SF3A3: variants seen among roughly 807,000 people sequenced by gnomAD.
SF3A3 encodes splicing factor 3a subunit 3, also known as SAP 61.
Under a neutral mutation model 85.8 loss-of-function variants are expected in SF3A3, and 9 were observed. That is an observed-to-expected ratio of 0.10 (90% CI 0.06 to 0.18). The LOEUF is 0.18. SF3A3 is among the 10% of genes least tolerant of loss of function. The pLI is 1.00. For synonymous variants in SF3A3, 195 were observed against 204.4 expected (o/e 0.95, Z 0.39); for missense variants, 306 against 593.3 (o/e 0.52, Z 5.03).
At chr1:37,985,664 C>G (rs1040320071) in intron 4 of SF3A3, among the ~76,000 whole-genome samples, 3 of 152,110 alleles carry the variant, frequency 2.0e-5, no homozygotes, top group African/African-American at 7.2e-5. Context: ...GTTATTTAAG[C>G]ATTTATTCCT....
intron 16 of SF3A3, among the ~76,000 whole-genome samples, chr1:37,959,370 C>T (rs1464508947): frequency 6.6e-6 from 1 of 152,096 alleles, no homozygotes; most frequent in African/African-American, 2.4e-5. Flanking sequence ...TGAACTGCTG[C>T]ACCTGGCCCA....
At chr1:37,961,759 C>CAAAG (rs1646260170) in intron 15 of SF3A3, among the ~76,000 whole-genome samples, 1 of 37,808 alleles carries the variant, frequency 2.6e-5, no homozygotes, top group Non-Finnish European at 4.4e-5. Context: ...GCAAGACTGC[C>CAAAG]AAAAAAAAAA....
chr1:37,984,192 A>G lies in SF3A3; in HGVS notation c.445T>C (p.Tyr149His). 1.2e-6 allele frequency: 2 copies of G among 1,607,518 alleles called. No homozygotes were observed. The highest frequency in any genetic ancestry group is 1.1e-5 in the South Asian group (1 of 90,158). The change falls in exon 6 of 17, where the codon TAC becomes CAC. Residue 149 changes from tyrosine to histidine, a missense_variant. By Grantham distance (83) the Tyr-to-His change is moderately conservative (BLOSUM62 2). Transcript: ENST00000373019. ...YLDLHDCYLK[Y>H]INLKASEKLD... ...ACCTCAGATGCCTTCAGGTTAATGT[A>G]CTTGAGGTAACAGTCATGGAGATCG... is the stretch of plus-strand genomic sequence containing the variant.
chr1:37,989,446 G>T, intron 2 of SF3A3, 102 bp downstream of exon 2: 1 of 1,295,058 alleles, frequency 7.7e-7, no homozygotes, highest in Non-Finnish European at 1.1e-6. Context: ...GGCCAATCCG[G>T]TTACCTTTGG....
intron 2 of SF3A3, among the ~76,000 whole-genome samples, chr1:37,989,252 G>C (rs1646477272): frequency 6.6e-6 from 1 of 151,482 alleles, no homozygotes; most frequent in South Asian, 2.1e-4. Context: ...CCGAGACCGC[G>C]CCACTGCACT....
intron 12 of SF3A3, among the ~76,000 whole-genome samples, chr1:37,975,754 C>T (rs758055180): frequency 3.9e-5 from 6 of 152,216 alleles, no homozygotes; most frequent in African/African-American, 1.2e-4. Context: ...CCTCAAAGGC[C>T]GAATGAAAAT....
intron 12 of SF3A3, among the ~76,000 whole-genome samples, chr1:37,972,905 G>C (rs1646353175): frequency 6.6e-6 from 1 of 152,186 alleles, no homozygotes; most frequent in African/African-American, 2.4e-5. Context: ...TGTGGGCCGG[G>C]TGCGGTGGCT....
chr1:37,965,089 C>T lies in SF3A3; in HGVS notation c.1372+2955G>A, dbSNP rs191057487. On this transcript the variant is annotated intron_variant, in intron 15 of 16. Coordinates refer to ENST00000373019, the MANE Select transcript of SF3A3 (RefSeq NM_006802.4). The stretch of plus-strand genomic sequence containing the variant: ...ACAAGAATTGCTTGAACCCAGGAGG[C>T]GAAGGTTGCAGTGAGCCGAGATCAG... Among the ~76,000 whole-genome samples the T allele has an allele frequency of 3.4e-3, 511 of 151,412 alleles. 2 individuals are homozygous for T. The highest frequency in any genetic ancestry group is 0.012 in the African/African-American group (488 of 41,240).
chr1:37,960,089 T>C (rs1370888633), intron 16 of SF3A3, 31 bp downstream of exon 16: 2 of 1,595,436 alleles, frequency 1.3e-6, no homozygotes, highest in Non-Finnish European at 1.7e-6. Context: ...CACTTGACAC[T>C]ATCCCTAACA....
At chr1:37,988,747 A>G (rs56246564) in intron 2 of SF3A3, among the ~76,000 whole-genome samples, 3,709 of 152,216 alleles carry the variant, frequency 0.024, 186 homozygotes, top group East Asian at 0.23. Flanking sequence ...TTTAAATAGC[A>G]TCTTGTTTTT....
intron 12 of SF3A3, 52 bp from the exon 13 acceptor site, chr1:37,969,787 A>C: frequency 6.3e-7 from 1 of 1,586,486 alleles, no homozygotes; most frequent in Non-Finnish European, 8.6e-7. Context: ...CAGAATAAGA[A>C]GGGAAATTTC....
intron 9 of SF3A3, 146 bp from the exon 10 acceptor site, chr1:37,979,201 G>A: frequency 1.5e-6 from 1 of 678,070 alleles, no homozygotes; most frequent in South Asian, 1.8e-5. Context: ...ACTCTCCAGA[G>A]GACTGAATCT....
chr1:37,960,529 T>G (rs1646249461), intron 15 of SF3A3: 1 of 227,604 alleles, frequency 4.4e-6, no homozygotes, highest in Non-Finnish European at 8.6e-6. Context: ...TTCTAATAGT[T>G]CAATAACAAT....
intron 8 of SF3A3, 35 bp from the exon 9 acceptor site, chr1:37,979,568 G>C: frequency 6.4e-7 from 1 of 1,563,564 alleles, no homozygotes; most frequent in Middle Eastern, 1.7e-4. Context: ...TTAAGATCCA[G>C]GTTTAGGCCA....
intron 2 of SF3A3, among the ~76,000 whole-genome samples, 189 bp from the exon 3 acceptor site, chr1:37,988,025 T>G (rs975871502): frequency 6.6e-6 from 1 of 152,210 alleles, no homozygotes; most frequent in Non-Finnish European, 1.5e-5. Flanking sequence ...TTAATAGCCC[T>G]TTAACAGCCT....
intron 15 of SF3A3, among the ~76,000 whole-genome samples, chr1:37,962,339 C>T (rs1646266730): frequency 7.5e-6 from 1 of 133,056 alleles, no homozygotes; most frequent in African/African-American, 2.8e-5. Context: ...CGCGGTGGCT[C>T]ACGCCTGTAA....
chr1:37,978,780 G>A lies in SF3A3; in HGVS notation c.875C>T (p.Ser292Phe). ...AQRLFSTKGK[S>F]LESLDTSLFA... is the part of the protein sequence containing the mutation. ...CAAAGAGGTATCAAGTGACTCCAGG[G>A]ACTTTCCTTTGGTACTGAATAGTCT... The change falls in exon 11 of 17, where the codon TCC (serine) becomes TTC (phenylalanine). Residue 292 changes from serine to phenylalanine, a missense_variant. Ser to Phe is a radical substitution (Grantham distance 155). Coordinates refer to ENST00000373019, the MANE Select transcript of SF3A3 (RefSeq NM_006802.4). 6.4e-7 allele frequency: 1 copy of A among 1,573,118 alleles called. No individual in the cohort carries two copies. The highest frequency in any genetic ancestry group is 8.6e-7 in the Non-Finnish European group (1 of 1,157,548).
intron 2 of SF3A3, among the ~76,000 whole-genome samples, chr1:37,988,895 A>T (rs35348386): frequency 0.23 from 34,092 of 147,148 alleles, 4,435 homozygotes; most frequent in East Asian, 0.32. Context: ...ATATATATAT[A>T]TTTTTTTTTT....
chr1:37,989,579 T>A lies in SF3A3; in HGVS notation c.113A>T (p.Asn38Ile), dbSNP rs774759170. ...CATGGCCCGAGTGCGGTGATCAGAA[T>A]TGATCTGGTCCCGGAGCTGAAAAAA... ...TKKSTLRDQI[N>I]SDHRTRAMQD... Residue 38 changes from asparagine to isoleucine, a missense_variant, in exon 2 of 17, where the codon AAT becomes ATT. Around this residue, in one of 4 missense-constraint regions of SF3A3, gnomAD observed 152 missense variants for 192.0 expected, o/e 0.79. Transcript: ENST00000373019. 3 of 1,613,954 alleles carry A rather than the reference T, an allele frequency of 1.9e-6. No individual in the cohort carries two copies. The African/African-American group carries it at 4.0e-5, about 22-fold the overall frequency.
Sources: allele counts gnomAD v4.1 joint callset (sites outside exome capture counted in the v4.1 genomes callset), GRCh38; gene constraint gnomAD v4.1.1; regional missense constraint gnomAD v4.1.1; transcripts MANE v1.5; gene names NCBI Gene and HGNC (gene_info 2026-07-23, HGNC 2026-07-21).